The following HDAC9 variants were observed in gnomAD, a reference collection of about 807,000 sequenced individuals.
The protein encoded by HDAC9 is histone deacetylase 9.
A neutral mutation model predicts 139.4 loss-of-function variants in HDAC9; 41 were observed. The ratio of observed to expected loss-of-function variants is 0.29; its 90% CI spans 0.23 to 0.38. The LOEUF (loss-of-function observed/expected upper bound fraction) is 0.38. HDAC9 is among the 10% of genes least tolerant of loss of function. The pLI, the probability that HDAC9 is intolerant of heterozygous loss-of-function variation, is 1.00. For missense variants in HDAC9, 1,147 were observed against 1,297.0 expected (o/e 0.88, Z 1.78); for synonymous variants, 517 against 476.2 (o/e 1.09, Z -1.12).
intron 25 of HDAC9, among the ~76,000 whole-genome samples, chr7:18,989,265 AC>A (rs1785651864): frequency 6.7e-6 from 1 of 149,816 alleles, no homozygotes; most frequent in Non-Finnish European, 1.5e-5. Context: ...CCTGGTGGTG[AC>A]AAAATCTCTC....
intron 12 of HDAC9, among the ~76,000 whole-genome samples, chr7:18,686,877 GC>G (rs995755628): frequency 2.6e-5 from 4 of 151,836 alleles, no homozygotes; most frequent in Admixed American, 2.6e-4. Flanking sequence ...TTCTTTAATT[GC>G]TTATCACACA....
intron 2 of HDAC9, among the ~76,000 whole-genome samples, chr7:18,550,374 C>T (rs1816721975): frequency 6.6e-6 from 1 of 152,110 alleles, no homozygotes; most frequent in Non-Finnish European, 1.5e-5. Context: ...CCATTCTATG[C>T]AATAAATATT....
chr7:18,764,901 T>C (rs1417647584), intron 15 of HDAC9, among the ~76,000 whole-genome samples: 2 of 152,212 alleles, frequency 1.3e-5, no homozygotes, highest in East Asian at 3.8e-4. Context: ...TCTTTGTATC[T>C]TGAAAGACAT....
chr7:18,722,448 T>C (rs1401811996), intron 12 of HDAC9, among the ~76,000 whole-genome samples: 1 of 152,214 alleles, frequency 6.6e-6, no homozygotes, highest in Non-Finnish European at 1.5e-5. Flanking sequence ...TTTTCAGCAC[T>C]GTAAGAGAGA....
intron 1 of HDAC9, among the ~76,000 whole-genome samples, chr7:18,377,806 TA>T (rs1164120975): frequency 6.6e-6 from 1 of 152,174 alleles, no homozygotes; most frequent in Non-Finnish European, 1.5e-5. Context: ...ATTTAAGCAT[TA>T]AAAAAATCTG....
intron 16 of HDAC9, among the ~76,000 whole-genome samples, chr7:18,779,682 G>T (rs75934358): frequency 6.6e-6 from 1 of 152,042 alleles, no homozygotes; most frequent in South Asian, 2.1e-4. Context: ...TGGTATTATT[G>T]TGAGGATCAA....
chr7:18,872,245 T>C (rs909118152), intron 21 of HDAC9, among the ~76,000 whole-genome samples: 4 of 152,148 alleles, frequency 2.6e-5, no homozygotes, highest in African/African-American at 4.8e-5. Flanking sequence ...AGTTCAGATA[T>C]ATAGGATTAG....
At chr7:18,138,766 G>C (rs936543590) in intron 1 of HDAC9, among the ~76,000 whole-genome samples, 2 of 152,052 alleles carry the variant, frequency 1.3e-5, no homozygotes, top group African/African-American at 4.8e-5. Flanking sequence ...ACATCACAGT[G>C]TAAGAAATTG....
At chr7:18,178,191 C>T (rs1789095569) in intron 2 of HDAC9, among the ~76,000 whole-genome samples, 1 of 152,114 alleles carries the variant, frequency 6.6e-6, no homozygotes, top group Admixed American at 6.6e-5. Context: ...TCAAGCAATT[C>T]CCTTGCCTCA....
intron 17 of HDAC9, among the ~76,000 whole-genome samples, chr7:18,823,129 G>C (rs924203708): frequency 1.3e-5 from 2 of 152,196 alleles, no homozygotes; most frequent in Admixed American, 6.5e-5. Flanking sequence ...CTAAGATTAA[G>C]TGCACATGCC....
chr7:18,696,530 C>A (rs1410425959), intron 12 of HDAC9, among the ~76,000 whole-genome samples: 1 of 150,396 alleles, frequency 6.6e-6, no homozygotes, highest in East Asian at 2.0e-4. Flanking sequence ...TGCAGTGGCG[C>A]GATCTTGGCT....
At chr7:18,684,536 C>T (rs985568250) in intron 12 of HDAC9, among the ~76,000 whole-genome samples, 5 of 151,902 alleles carry the variant, frequency 3.3e-5, no homozygotes, top group Non-Finnish European at 7.4e-5. Context: ...CAACTGATAA[C>T]TTTTAGATGG....
intron 2 of HDAC9, among the ~76,000 whole-genome samples, chr7:18,196,614 A>T (rs1363789079): frequency 1.3e-5 from 2 of 152,172 alleles, no homozygotes; most frequent in African/African-American, 4.8e-5. Flanking sequence ...AGCAATATAT[A>T]ATAAGAAAAA....
intron 21 of HDAC9, among the ~76,000 whole-genome samples, chr7:18,867,308 A>C (rs981830304): frequency 5.9e-5 from 9 of 152,162 alleles, no homozygotes; most frequent in African/African-American, 2.2e-4. Context: ...AATCCTCCTT[A>C]TTCTCCTACG....
At chr7:18,181,279 C>T (rs565883815) in intron 2 of HDAC9, among the ~76,000 whole-genome samples, 2 of 152,316 alleles carry the variant, frequency 1.3e-5, no homozygotes, top group African/African-American at 4.8e-5. Context: ...ACTTTTATTT[C>T]ATGCCTAATA....
intron 1 of HDAC9, among the ~76,000 whole-genome samples, chr7:18,485,866 A>C (rs1402358367): frequency 1.3e-5 from 2 of 152,206 alleles, no homozygotes; most frequent in African/African-American, 4.8e-5. Flanking sequence ...GTCTTAATCC[A>C]GGCCTCTTAT....
Position 18,495,936 on chromosome 7 carries a change from C to G in HDAC9, c.-129C>G, listed in dbSNP as rs987277052. 10 of 1,241,552 alleles carry G rather than the reference C, an allele frequency of 8.1e-6. No homozygotes were observed. The South Asian group carries it at 2.9e-4, about 36-fold the overall frequency. The allele number at this position is 1,241,552 out of a possible 1,614,324, so 76.9% of individuals were successfully genotyped here. A position where few individuals can be genotyped will look rare whatever the true frequency, so the allele number is the denominator to read the frequency against. On this transcript the variant is annotated 5_prime_UTR_variant, in exon 1 of 26. Coordinates refer to ENST00000686413, the MANE Select transcript of HDAC9 (RefSeq NM_178425.4). ...CAAAGAAATAACCCCGAAGCACGTT[C>G]CTATTTCCCACCTGCTTGTAGTTTC...
intron 17 of HDAC9, among the ~76,000 whole-genome samples, chr7:18,812,389 CT>C (rs1794242699): frequency 6.6e-6 from 1 of 151,778 alleles, no homozygotes; most frequent in Non-Finnish European, 1.5e-5. Context: ...ATTCTCTTAT[CT>C]TTTGTTTATA....
chr7:18,840,122 A>G (rs928702403), intron 21 of HDAC9, among the ~76,000 whole-genome samples: 1 of 152,098 alleles, frequency 6.6e-6, no homozygotes, highest in Non-Finnish European at 1.5e-5. Context: ...ATTTCAAGAA[A>G]AGAAATATAA....
Sources: gnomAD v4.1 joint callset for allele counts (sites outside exome capture counted in the v4.1 genomes callset) on GRCh38, gnomAD v4.1.1 for gene constraint, MANE v1.5 for transcripts, NCBI Gene and HGNC (gene_info 2026-07-23, HGNC 2026-07-21) for gene names.